Variants in HERC2 observed in about 807,000 individuals in gnomAD.
HERC2 encodes HECT and RLD domain containing E3 ubiquitin protein ligase 2.
In HERC2, 102 loss-of-function variants were observed where a neutral mutation model predicts 537.7. The ratio of observed to expected loss-of-function variants is 0.19; its 90% confidence interval spans 0.16 to 0.22. HERC2 has a LOEUF of 0.22. Ranked by LOEUF, HERC2 falls within the 10% of genes least tolerant of loss-of-function variation. HERC2 has a pLI of 1.00. For missense variants in HERC2, 4,236 were observed against 6,198.2 expected (o/e 0.68, Z 10.63); for synonymous variants, 2,224 against 2,466.2 (o/e 0.90, Z 2.91).
At chr15:28,166,968 G>T (rs1894205596) in intron 68 of HERC2, among the ~76,000 whole-genome samples, 1 of 152,250 alleles carries the variant, frequency 6.6e-6, no homozygotes, top group East Asian at 1.9e-4. Flanking sequence ...AGACGGATGA[G>T]AAGGGAAAGC....
intron 16 of HERC2, among the ~76,000 whole-genome samples, chr15:28,259,227 T>C (rs2075351573): frequency 6.6e-6 from 1 of 152,164 alleles, no homozygotes; most frequent in Non-Finnish European, 1.5e-5. Context: ...CCTGAGTAGC[T>C]GGGATTACAG....
At chr15:28,204,513 G>A (rs1256974272) in intron 45 of HERC2, among the ~76,000 whole-genome samples, 3 of 151,732 alleles carry the variant, frequency 2.0e-5, no homozygotes, top group Non-Finnish European at 2.9e-5. Flanking sequence ...CTAGCTACTC[G>A]GGAGGCTGAG....
rs1287460390 is a variant in HERC2, at chr15:28,169,746, A to G, written c.10058-91T>C. The G allele has an allele frequency of 1.6e-5, 19 of 1,217,076 alleles. No individual in the cohort carries two copies. The Admixed American group carries it at 3.2e-4, about 21-fold the overall frequency. The allele number at this position is 1,217,076 out of a possible 1,614,324, so 75.4% of individuals were successfully genotyped here. On this transcript the variant is annotated intron_variant, in intron 65 of 92. Transcript: ENST00000261609. ...TGACCTTACAGGTTAGTTCCAAAAC[A>G]CACTGCAATCTGCATTTTGCTATTT...
chr15:28,240,229 T>C (rs937515945), intron 23 of HERC2, among the ~76,000 whole-genome samples: 2 of 152,224 alleles, frequency 1.3e-5, no homozygotes, highest in South Asian at 2.1e-4. Flanking sequence ...CCATCCTGGC[T>C]AACACGGTGA....
chr15:28,236,164 G>C (rs1452474712), intron 26 of HERC2, among the ~76,000 whole-genome samples: 1 of 152,050 alleles, frequency 6.6e-6, no homozygotes, highest in African/African-American at 2.4e-5. Context: ...AGAGATTCCT[G>C]CACACTTTTT....
intron 55 of HERC2, among the ~76,000 whole-genome samples, chr15:28,187,172 A>G (rs537470911): frequency 6.6e-6 from 1 of 152,202 alleles, no homozygotes; most frequent in Non-Finnish European, 1.5e-5. Flanking sequence ...AATCAGAACA[A>G]ATAGTACAAA....
chr15:28,303,981 T>C (rs1487076644), intron 2 of HERC2, among the ~76,000 whole-genome samples: 2 of 151,896 alleles, frequency 1.3e-5, no homozygotes, highest in Non-Finnish European at 2.9e-5. Flanking sequence ...GCCTGGCCCA[T>C]GTGGTGAAAC....
In HERC2 at chr15:28,146,303, T is replaced by A. The variant is rs1265471082; in HGVS notation, c.10942A>T (p.Thr3648Ser). The change falls in exon 71 of 93, where the codon ACA becomes TCA. Residue 3648 changes from threonine (T) to serine (S), a missense_variant. Around this residue, in one of 27 missense-constraint regions of HERC2, gnomAD observed 356 missense variants for 450.9 expected, o/e 0.79. Coordinates refer to ENST00000261609, the MANE Select transcript of HERC2 (RefSeq NM_004667.6). Reference protein sequence around the residue: ...LRVEFDRQCSTERRHDPLTVM... With the variant: ...LRVEFDRQCSSERRHDPLTVM... ...GTGAGAGGGTCGTGGCGCCTCTCTG[T>A]GGAGCACTGCCGGTCAAATTCTACC... is the stretch of plus-strand genomic sequence containing the variant. 3.1e-6 allele frequency: 5 copies of A among 1,614,094 alleles called. No homozygotes were observed. Among genetic ancestry groups the A allele is most frequent in the East Asian group, 2.2e-5 (1 of 44,866 alleles).
Position 28,191,260 on chromosome 15 carries a change from A to G in HERC2, c.8452-16T>C. The G allele has an allele frequency of 6.4e-7, 1 of 1,554,330 alleles. No homozygotes were observed. The highest frequency in any genetic ancestry group is 1.1e-5 in the South Asian group (1 of 87,146). On this transcript the variant is annotated splice_polypyrimidine_tract_variant and intron_variant, in intron 53 of 92. Coordinates refer to ENST00000261609, the MANE Select transcript of HERC2 (RefSeq NM_004667.6). ...GAATCCAGTGCTTTAGAAAAACAAA[A>G]AAACCACATTCTCAGTTAGCAAAAT...
rs201078187 is a variant in HERC2 at position 28,119,399 on chromosome 15, CAAAAAAAAAAAAAAAAAAAAAAAAAA to C, written c.13272+1921_13272+1946del. On this transcript the variant is annotated intron_variant, in intron 86 of 92. Coordinates refer to ENST00000261609, the MANE Select transcript of HERC2 (RefSeq NM_004667.6). ...TGGGCGACAGAACAAGACTCCCTCT[CAAAAAAAAAAAAAAAAAAAAAAAAAA>C]AAAAAAAAAAAAGGCCTGATATAAG... is the stretch of plus-strand genomic sequence containing the variant. Among the ~76,000 whole-genome samples the C allele has an allele frequency of 2.6e-3, 343 of 133,914 alleles. 8 individuals are homozygous for C. Among genetic ancestry groups the C allele is most frequent in the East Asian group, 3.8e-3 (18 of 4,718 alleles). The allele number at this position is 133,914 out of a possible 152,430, so 87.9% of individuals were successfully genotyped here. A position where few individuals can be genotyped will look rare whatever the true frequency, so the allele number is the denominator to read the frequency against.
At chr15:28,288,011 T>C (rs1188555012) in intron 4 of HERC2, among the ~76,000 whole-genome samples, 4 of 152,144 alleles carry the variant, frequency 2.6e-5, no homozygotes, top group Non-Finnish European at 4.4e-5. Context: ...CGTGAGCCAC[T>C]GCTCCCAGCC....
intron 79 of HERC2, among the ~76,000 whole-genome samples, chr15:28,134,124 T>C (rs985181464): frequency 6.6e-6 from 1 of 152,226 alleles, no homozygotes; most frequent in East Asian, 1.9e-4. Context: ...TTCACGACTT[T>C]AGGTTTTTTA....
intron 25 of HERC2, among the ~76,000 whole-genome samples, chr15:28,237,706 C>T (rs953840674): frequency 2.6e-5 from 4 of 152,168 alleles, no homozygotes; most frequent in African/African-American, 9.7e-5. Context: ...AAGCTAATCC[C>T]AATATATAAA....
chr15:28,225,503 C>G (rs1246095669), intron 35 of HERC2, among the ~76,000 whole-genome samples: 2 of 151,802 alleles, frequency 1.3e-5, no homozygotes, highest in African/African-American at 4.8e-5. Flanking sequence ...CGAGACCATC[C>G]TGGTCAACAC....
At chr15:28,291,842 T>A (rs2076322050) in intron 4 of HERC2, among the ~76,000 whole-genome samples, 1 of 133,974 alleles carries the variant, frequency 7.5e-6, no homozygotes, top group Non-Finnish European at 1.5e-5. Context: ...GAAGCGGAGG[T>A]TGCAGTGAGC....
intron 86 of HERC2, chr15:28,118,368 A>G (rs1343880746): frequency 4.6e-5 from 7 of 152,356 alleles, no homozygotes; most frequent in Admixed American, 3.9e-4. Flanking sequence ...AACAGCAGCC[A>G]TAAGGCTGGA....
chr15:28,166,077 T>C lies in HERC2; in HGVS notation c.10554+1610A>G, dbSNP rs117760720. 5.6e-4 allele frequency among the ~76,000 whole-genome samples: 85 copies of C among 152,254 alleles called. 1 individual carries two copies. The East Asian group carries it at 0.012, about 21-fold the overall frequency. ...GATGGGAATATGCCAGAAGAACACATAAAATTCTACCAACTACTTAAAGAA... is the reference window on the plus strand; with the variant it reads ...GATGGGAATATGCCAGAAGAACACACAAAATTCTACCAACTACTTAAAGAA... On this transcript the variant is annotated intron_variant, in intron 68 of 92. Transcript: ENST00000261609.
At chr15:28,206,992 A>T (rs1003071179) in intron 44 of HERC2, among the ~76,000 whole-genome samples, 5 of 151,230 alleles carry the variant, frequency 3.3e-5, no homozygotes, top group African/African-American at 4.9e-5. Context: ...GCCTGGTGAC[A>T]GAGCGAGACT....
intron 65 of HERC2, among the ~76,000 whole-genome samples, chr15:28,173,635 CCAAA>C (rs780938892): frequency 1.3e-3 from 194 of 151,886 alleles, no homozygotes; most frequent in Non-Finnish European, 2.3e-3. Flanking sequence ...CCTCTCTCCA[CCAAA>C]CAAACAAACA....
Sources: gnomAD v4.1 joint callset for allele counts (sites outside exome capture counted in the v4.1 genomes callset) on GRCh38, gnomAD v4.1.1 for gene constraint, gnomAD v4.1.1 regional missense constraint, MANE v1.5 for transcripts, NCBI Gene and HGNC (gene_info 2026-07-23, HGNC 2026-07-21) for gene names.